CTNNA2: variants seen among roughly 807,000 people sequenced by gnomAD.
CTNNA2 encodes the protein catenin alpha-2.
Under a neutral mutation model 101.0 loss-of-function variants are expected in CTNNA2, and 42 were observed. The ratio of observed to expected loss-of-function variants is 0.42; its 90% CI spans 0.32 to 0.54. The LOEUF (loss-of-function observed/expected upper bound fraction) is 0.54. Ranked by LOEUF, CTNNA2 falls within the 20% of genes least tolerant of loss-of-function variation. CTNNA2 has a pLI of 0.14. For synonymous variants in CTNNA2, 450 were observed against 456.4 expected (o/e 0.99, Z 0.18); for missense variants, 871 against 1,223.1 (o/e 0.71, Z 4.29).
intron 3 of CTNNA2, among the ~76,000 whole-genome samples, chr2:79,753,956 C>T (rs1354195903): frequency 2.6e-5 from 4 of 151,006 alleles, no homozygotes; most frequent in African/African-American, 9.8e-5. Flanking sequence ...GCAACCTCCA[C>T]CTCCTGAGTT....
Position 79,969,682 on chromosome 2 carries a change from G to A in CTNNA2, c.1056+59885G>A, listed in dbSNP as rs1228112595. Among the ~76,000 whole-genome samples the A allele has an allele frequency of 3.3e-5, 5 of 152,244 alleles. No homozygotes were observed. The South Asian group carries it at 6.2e-4, about 19-fold the overall frequency. On this transcript the variant is annotated intron_variant, in intron 7 of 18. Coordinates refer to ENST00000402739, the MANE Select transcript of CTNNA2 (RefSeq NM_001282597.3). Reference sequence around the variant, plus strand: ...CTTATAACTTAAACAGTGGTGGTAGGGGACTCACTGTGCTTTTTTCTGCCT... The same window carrying A: ...CTTATAACTTAAACAGTGGTGGTAGAGGACTCACTGTGCTTTTTTCTGCCT...
intron 9 of CTNNA2, among the ~76,000 whole-genome samples, chr2:80,451,395 T>C (rs1363060155): frequency 6.6e-6 from 1 of 152,302 alleles, no homozygotes; most frequent in Non-Finnish European, 1.5e-5. Flanking sequence ...TTGTTTCCCC[T>C]TCTGCCATGA....
At chr2:80,585,734 CTAATTTGAT>C (rs1173594957) in intron 14 of CTNNA2, among the ~76,000 whole-genome samples, 8 of 152,114 alleles carry the variant, frequency 5.3e-5, no homozygotes, top group African/African-American at 1.7e-4. Flanking sequence ...GTGTTGAATT[CTAATTTGAT>C]TAACTTGCAA....
intron 3 of CTNNA2, among the ~76,000 whole-genome samples, chr2:79,831,108 G>A (rs1037858243): frequency 5.3e-5 from 8 of 150,808 alleles, no homozygotes; most frequent in African/African-American, 1.2e-4. Context: ...TACAAACTTC[G>A]GCCAAATTAC....
chr2:79,498,478 A>T (rs892806757), intron 4 of CTNNA2, among the ~76,000 whole-genome samples: 1 of 152,210 alleles, frequency 6.6e-6, no homozygotes, highest in African/African-American at 2.4e-5. Flanking sequence ...ACAGTAGTTT[A>T]TCTGGTCAAA....
At chr2:79,383,140 A>C (rs1678058925) in intron 4 of CTNNA2, among the ~76,000 whole-genome samples, 2 of 152,240 alleles carry the variant, frequency 1.3e-5, no homozygotes, top group Non-Finnish European at 2.9e-5. Flanking sequence ...AATCTAAAGG[A>C]AGACAGAGGT....
At chr2:80,077,393 G>A (rs1420009317) in intron 7 of CTNNA2, among the ~76,000 whole-genome samples, 6 of 152,024 alleles carry the variant, frequency 3.9e-5, no homozygotes, top group African/African-American at 1.4e-4. Flanking sequence ...AAGTATGAAT[G>A]GATAAATAAA....
At chr2:80,154,672 A>C (rs1703906170) in intron 7 of CTNNA2, among the ~76,000 whole-genome samples, 1 of 152,154 alleles carries the variant, frequency 6.6e-6, no homozygotes, top group African/African-American at 2.4e-5. Flanking sequence ...CCAGTGGCTT[A>C]ATAACACAGA....
intron 7 of CTNNA2, among the ~76,000 whole-genome samples, chr2:80,025,371 G>T (rs996585657): frequency 1.3e-5 from 2 of 152,168 alleles, no homozygotes; most frequent in Non-Finnish European, 2.9e-5. Flanking sequence ...CCTGCTAGAT[G>T]TAAGGAAGCA....
At chr2:79,687,494 T>G in intron 2 of CTNNA2, 1 of 572,410 alleles carries the variant, frequency 1.7e-6, no homozygotes, top group Non-Finnish European at 3.2e-6. Flanking sequence ...TCATTTTTAT[T>G]TGCATTACCC....
intron 2 of CTNNA2, among the ~76,000 whole-genome samples, chr2:79,224,288 C>G (rs1015662192): frequency 1.3e-5 from 2 of 152,224 alleles, no homozygotes; most frequent in Admixed American, 1.3e-4. Context: ...TTTTACCAAA[C>G]CAATGAATCA....
chr2:79,831,990 T>C (rs891915056), intron 3 of CTNNA2, among the ~76,000 whole-genome samples: 1 of 152,208 alleles, frequency 6.6e-6, no homozygotes, highest in East Asian at 1.9e-4. Flanking sequence ...AACCACATTG[T>C]AGTTCACTTT....
At chr2:79,725,625 A>G (rs935413828) in intron 2 of CTNNA2, among the ~76,000 whole-genome samples, 6 of 152,206 alleles carry the variant, frequency 3.9e-5, no homozygotes, top group African/African-American at 1.4e-4. Context: ...AATAAAATCT[A>G]ATCATGTCCT....
At chr2:79,735,664 G>A (rs879290692) in intron 2 of CTNNA2, among the ~76,000 whole-genome samples, 1 of 152,170 alleles carries the variant, frequency 6.6e-6, no homozygotes, top group Non-Finnish European at 1.5e-5. Context: ...TAATTAATAA[G>A]TATAATACGT....
intron 1 of CTNNA2, among the ~76,000 whole-genome samples, chr2:79,608,325 C>T (rs1243770846): frequency 6.6e-6 from 1 of 151,908 alleles, no homozygotes; most frequent in East Asian, 1.9e-4. Context: ...TGACTTTGCC[C>T]AAACATGTAA....
At chr2:80,267,217 T>C (rs1237180425) in intron 7 of CTNNA2, among the ~76,000 whole-genome samples, 1 of 152,194 alleles carries the variant, frequency 6.6e-6, no homozygotes, top group African/African-American at 2.4e-5. Flanking sequence ...TTCCCACTAG[T>C]TCTCAGAGGA....
intron 11 of CTNNA2, among the ~76,000 whole-genome samples, chr2:80,553,382 G>A (rs920825901): frequency 6.6e-6 from 1 of 152,028 alleles, no homozygotes; most frequent in Non-Finnish European, 1.5e-5. Context: ...GCCTGTGCTG[G>A]TTTATTTTAA....
chr2:79,416,270 T>C (rs1281714211), intron 4 of CTNNA2, among the ~76,000 whole-genome samples: 2 of 148,742 alleles, frequency 1.3e-5, no homozygotes, highest in South Asian at 2.1e-4. Context: ...TTTTTTTTTT[T>C]TTTTTTTTTT....
At chr2:79,969,085 G>A (rs1222827364) in intron 7 of CTNNA2, among the ~76,000 whole-genome samples, 1 of 152,154 alleles carries the variant, frequency 6.6e-6, no homozygotes, top group Non-Finnish European at 1.5e-5. Flanking sequence ...TACTTATGGA[G>A]TGCAGACTGT....
Sources: allele counts gnomAD v4.1 joint callset (sites outside exome capture counted in the v4.1 genomes callset), GRCh38; gene constraint gnomAD v4.1.1; transcripts MANE v1.5; gene names NCBI Gene and HGNC (gene_info 2026-07-23, HGNC 2026-07-21).